PABPC1: variants seen among roughly 807,000 people sequenced by gnomAD.
PABPC1 encodes the protein poly(A) binding protein cytoplasmic 1, also known as polyadenylate-binding protein 1.
Under a neutral mutation model 74.0 loss-of-function variants are expected in PABPC1, and 4 were observed. The observed-to-expected ratio is 0.05, with a 90% CI of 0.03 to 0.12. The LOEUF is 0.12. Ranked by LOEUF, PABPC1 falls within the 10% of genes least tolerant of loss-of-function variation. The pLI is 1.00. For missense variants in PABPC1, 271 were observed against 821.1 expected, an observed-to-expected ratio of 0.33 and a Z score of 8.19; for synonymous variants, 227 against 264.1, an observed-to-expected ratio of 0.86 and a Z score of 1.36.
Position 100,706,907 on chromosome 8 carries a change from A to G in PABPC1, c.1427T>C (p.Val476Ala). The G allele has an allele frequency of 6.2e-7, 1 of 1,614,010 alleles. No homozygotes were observed. The highest frequency in any genetic ancestry group is 8.5e-7 in the Non-Finnish European group (1 of 1,179,928). Reference sequence around the variant, plus strand: ...CTCACCAACACGCTGTGTTGACATGACTCGTGGAACCTGTGAAGAAGCTGG... The same window carrying G: ...CTCACCAACACGCTGTGTTGACATGGCTCGTGGAACCTGTGAAGAAGCTGG... ...MRPASSQVPR[V>A]MSTQRVANTS... The change falls in exon 10 of 15, where the codon GTC becomes GCC. Residue 476 changes from valine (V) to alanine (A), a missense_variant. This residue lies in a region of PABPC1 where 103 missense variants were observed against 245.3 expected (regional missense o/e 0.42). Transcript: ENST00000318607.
At chr8:100,720,593 C>T (rs73700223) in intron 1 of PABPC1, among the ~76,000 whole-genome samples, 7,586 of 152,292 alleles carry the variant, frequency 0.05, 623 homozygotes, top group African/African-American at 0.17. Flanking sequence ...ACCACCAGTA[C>T]TGTGAATCTA....
chr8:100,714,765 A>G (rs1362616027), intron 4 of PABPC1, among the ~76,000 whole-genome samples: 3 of 152,188 alleles, frequency 2.0e-5, no homozygotes, highest in African/African-American at 4.8e-5. Flanking sequence ...ATTATTTGAC[A>G]TATTAAAAAA....
At chr8:100,718,655 A>C (rs1810734440) in intron 1 of PABPC1, among the ~76,000 whole-genome samples, 1 of 152,266 alleles carries the variant, frequency 6.6e-6, no homozygotes, top group Non-Finnish European at 1.5e-5. Flanking sequence ...TATAAAAGAC[A>C]TTACGCAACA....
At position 100,713,224 on chromosome 8, in the gene PABPC1, A is replaced by C. The variant is rs1208180279; in HGVS notation, c.644-43T>G. 4.3e-6 allele frequency: 5 copies of C among 1,163,512 alleles called. No individual in the cohort carries two copies. In the African/African-American group the frequency reaches 4.7e-5, roughly 11 times the overall value. 72.1% of individuals were successfully genotyped at this position (1,163,512 alleles called of 1,614,324 possible). ...ATAAATCAAAGATATTCCATACAAC[A>C]TTCACGTTATACATTTCAAATTTCA... On this transcript the variant is annotated intron_variant, in intron 4 of 14. Transcript: ENST00000318607.
At chr8:100,710,064 T>C (rs1478115923) in intron 7 of PABPC1, among the ~76,000 whole-genome samples, 1 of 152,218 alleles carries the variant, frequency 6.6e-6, no homozygotes, top group Non-Finnish European at 1.5e-5. Flanking sequence ...CCTACTAAAT[T>C]GACTTTTGGG....
chr8:100,706,594 C>T (rs777088471), intron 11 of PABPC1, 57 bp downstream of exon 11: 12 of 1,518,738 alleles, frequency 7.9e-6, no homozygotes, highest in Middle Eastern at 4.8e-4. Context: ...GCTGTCTTCA[C>T]ACCTTTGATT....
At chr8:100,717,977 C>G (rs1477166055) in intron 2 of PABPC1, 89 bp from the exon 3 acceptor site, 1 of 1,335,922 alleles carries the variant, frequency 7.5e-7, no homozygotes, top group Non-Finnish European at 1.1e-6. Context: ...GCCATCTAAC[C>G]TGGATATTTG....
intron 1 of PABPC1, among the ~76,000 whole-genome samples, chr8:100,720,520 T>A (rs1216119347): frequency 6.6e-6 from 1 of 152,202 alleles, no homozygotes; most frequent in Non-Finnish European, 1.5e-5. Flanking sequence ...TTGACTATTT[T>A]ATAAAGAAAA....
In PABPC1 at chr8:100,714,643, T is replaced by G. The variant is rs140144661; in HGVS notation, c.643+819A>C. ...CTACTCAAGGTAGAGATAGGAGAAC[T>G]GCTTGAACCCGGGAGGCGGAGGCTA... On this transcript the variant is annotated intron_variant, in intron 4 of 14. Transcript: ENST00000318607. Among the ~76,000 whole-genome samples, 261 of 152,190 alleles carry G rather than the reference T, an allele frequency of 1.7e-3. 2 individuals are homozygous for G. The highest frequency in any genetic ancestry group is 3.1e-3 in the Admixed American group (48 of 15,284).
At chr8:100,709,823 T>G in intron 7 of PABPC1, 92 bp from the exon 8 acceptor site, 1 of 1,286,574 alleles carries the variant, frequency 7.8e-7, no homozygotes, top group Non-Finnish European at 1.1e-6. Flanking sequence ...AATCACTGAA[T>G]CAAATAACTA....
chr8:100,707,656 G>A (rs1329486121), intron 9 of PABPC1, among the ~76,000 whole-genome samples: 1 of 152,212 alleles, frequency 6.6e-6, no homozygotes, highest in African/African-American at 2.4e-5. Context: ...CGTGACCACT[G>A]AAGCACAGCA....
At chr8:100,717,429 T>C (rs894534795) in intron 3 of PABPC1, among the ~76,000 whole-genome samples, 1 of 152,268 alleles carries the variant, frequency 6.6e-6, no homozygotes, top group Non-Finnish European at 1.5e-5. Flanking sequence ...TAGGTTTGTC[T>C]GAATTCCTGA....
At chr8:100,714,780 A>C (rs573013973) in intron 4 of PABPC1, among the ~76,000 whole-genome samples, 6 of 152,302 alleles carry the variant, frequency 3.9e-5, no homozygotes, top group Admixed American at 6.5e-5. Context: ...AAAAAAAGCA[A>C]GACACCTCTA....
intron 11 of PABPC1, among the ~76,000 whole-genome samples, chr8:100,706,256 A>G (rs2129675797): frequency 6.6e-6 from 1 of 152,372 alleles, no homozygotes; most frequent in Middle Eastern, 3.4e-3. Context: ...ATACTATCAT[A>G]TTAGCAGAAT....
In PABPC1 at chr8:100,705,647, T is replaced by A; in HGVS notation, c.1629A>T (p.Glu543Asp). Residue 543 changes from glutamate to aspartate, a missense_variant, in exon 12 of 15, where the codon GAA becomes GAT. This residue lies in a region of PABPC1 where 103 missense variants were observed against 245.3 expected (regional missense o/e 0.42). Coordinates refer to ENST00000318607, the MANE Select transcript of PABPC1 (RefSeq NM_002568.4). ...ATGCCAACATGGAAGCAGTCAAAGG[T>A]TCCTGACCTTGTACATGAACAGCAG... ...QQPAVHVQGQ[E>D]PLTASMLASA... The A allele has an allele frequency of 6.2e-7, 1 of 1,613,866 alleles. No homozygotes were observed. The highest frequency in any genetic ancestry group is 8.5e-7 in the Non-Finnish European group (1 of 1,179,800).
rs1810840828 is a variant in PABPC1, at chr8:100,721,781, CG to C, written c.-199del. 2.2e-6 allele frequency: 1 copy of C among 449,682 alleles called. No homozygotes were observed. Among genetic ancestry groups the C allele is most frequent in the African/African-American group, 2.0e-5 (1 of 49,248 alleles). 27.9% of individuals were successfully genotyped at this position (449,682 alleles called of 1,614,324 possible). A position where few individuals can be genotyped will look rare whatever the true frequency, so the allele number is the denominator to read the frequency against. On this transcript the variant is annotated 5_prime_UTR_variant, in exon 1 of 15. Transcript: ENST00000318607. The surrounding 1 kb of genome is among the most constrained non-coding windows in gnomAD (Gnocchi z 7.4). Reference sequence around the variant, plus strand: ...ACTGCCGCTGGCTGCCGGCTGCCGGCGGGGAGCGAGGGTGGCGGTGTCGGGT... The same window carrying C: ...ACTGCCGCTGGCTGCCGGCTGCCGGCGGGAGCGAGGGTGGCGGTGTCGGGT...
chr8:100,718,997 C>T lies in PABPC1; in HGVS notation c.194-717G>A, dbSNP rs75843922. Among the ~76,000 whole-genome samples the T allele has an allele frequency of 3.3e-4, 50 of 152,308 alleles. No homozygotes were observed. In the East Asian group the frequency reaches 9.5e-3, roughly 29 times the overall value. ...ATTCAGAAATCACCATTAACGCTCT[C>T]TTGACACATACAATCAATTTCACTT... is the stretch of plus-strand genomic sequence containing the variant. On this transcript the variant is annotated intron_variant, in intron 1 of 14. Coordinates refer to ENST00000318607, the MANE Select transcript of PABPC1 (RefSeq NM_002568.4).
In PABPC1 at chr8:100,704,067, A is replaced by G. The variant is rs939822612; in HGVS notation, c.*1+230T>C. ...GAAACTCCATCTCAAAAAAAAAAAA[A>G]AAAAAAAACACCACCTGAAAGTCCT... On this transcript the variant is annotated intron_variant, in intron 14 of 14. Coordinates refer to ENST00000318607, the MANE Select transcript of PABPC1 (RefSeq NM_002568.4). 6 of 401,590 alleles carry G rather than the reference A, an allele frequency of 1.5e-5. No individual in the cohort carries two copies. The South Asian group carries it at 1.8e-4, about 12-fold the overall frequency. The allele number at this position is 401,590 out of a possible 1,614,324, so 24.9% of individuals were successfully genotyped here.
At chr8:100,718,816 T>TG (rs1157789801) in intron 1 of PABPC1, among the ~76,000 whole-genome samples, 1 of 152,178 alleles carries the variant, frequency 6.6e-6, no homozygotes, top group East Asian at 1.9e-4. Flanking sequence ...TCTTAATTAT[T>TG]GGGGGGAGGG....
Sources: gnomAD v4.1 joint callset for allele counts (sites outside exome capture counted in the v4.1 genomes callset) on GRCh38, gnomAD v4.1.1 for gene constraint, gnomAD v4.1.1 regional missense constraint, Gnocchi (gnomAD v3.1) non-coding constraint, MANE v1.5 for transcripts, NCBI Gene and HGNC (gene_info 2026-07-23, HGNC 2026-07-21) for gene names.